Variants in TET3 observed in about 807,000 individuals in gnomAD.
The protein encoded by TET3 is methylcytosine dioxygenase TET3.
In TET3, 19 loss-of-function variants were observed where a neutral mutation model predicts 141.4. The observed-to-expected ratio is 0.13, with a 90% CI of 0.09 to 0.20. The LOEUF (loss-of-function observed/expected upper bound fraction) is 0.20. Among genes scored for constraint, TET3 ranks in the 10% least tolerant of loss-of-function variants. The pLI is 1.00. For synonymous variants in TET3, 1,043 were observed against 980.9 expected (o/e 1.06, Z -1.18); for missense variants, 1,874 against 2,356.9 (o/e 0.80, Z 4.24).
chr2:74,053,138 TATG>T lies in TET3; in HGVS notation c.2494+4731_2494+4733del, dbSNP rs1688037338. ...GGAAATGCCATTCTCTAAAAGATAATATGATGTTTGCAGCTTTGAGAATATTTA... is the reference window on the plus strand; with the variant it reads ...GGAAATGCCATTCTCTAAAAGATAATATGTTTGCAGCTTTGAGAATATTTA... On this transcript the variant is annotated intron_variant, in intron 4 of 11. Coordinates refer to ENST00000409262, the MANE Select transcript of TET3 (RefSeq NM_001287491.2). Among the ~76,000 whole-genome samples, 4 of 152,312 alleles carry T rather than the reference TATG, an allele frequency of 2.6e-5. No homozygotes were observed. The South Asian group carries it at 6.2e-4, about 24-fold the overall frequency.
chr2:74,000,938 T>C (rs1433607066), intron 2 of TET3, among the ~76,000 whole-genome samples: 2 of 152,040 alleles, frequency 1.3e-5, no homozygotes, highest in African/African-American at 4.8e-5. Flanking sequence ...TTTCCAAGCA[T>C]TGTTTGTCTC....
At chr2:74,080,619 C>T (rs762791934) in intron 6 of TET3, 28 bp downstream of exon 6, 1 of 1,594,168 alleles carries the variant, frequency 6.3e-7, no homozygotes. Context: ...TCAAGAGCCA[C>T]AGCTGTGCCT....
At chr2:73,997,938 A>G (rs772906550) in intron 2 of TET3, among the ~76,000 whole-genome samples, 1 of 152,168 alleles carries the variant, frequency 6.6e-6, no homozygotes, top group Admixed American at 6.5e-5. Context: ...GGGCCCATAG[A>G]GGCCAGCCAG....
intron 3 of TET3, among the ~76,000 whole-genome samples, chr2:74,014,916 C>G (rs1474456546): frequency 6.6e-6 from 1 of 152,188 alleles, no homozygotes; most frequent in African/African-American, 2.4e-5. Context: ...TGGTGGACAT[C>G]TCTTAGACAC....
chr2:74,089,807 G>A, intron 7 of TET3, 90 bp from the exon 8 acceptor site: 1 of 1,525,582 alleles, frequency 6.6e-7, no homozygotes, highest in Non-Finnish European at 8.9e-7. Context: ...GGGTGCCAGG[G>A]CTCAGCAGGG....
At chr2:74,032,530 TG>T (rs1253259697) in intron 3 of TET3, among the ~76,000 whole-genome samples, 2 of 102,262 alleles carry the variant, frequency 2.0e-5, no homozygotes, top group African/African-American at 5.5e-5. Context: ...AGGCCCTTGC[TG>T]GGTCTGGCTG....
chr2:73,992,300 C>CTTTTCTTTTTTTTTTCTTTT (rs1318285693), intron 2 of TET3, among the ~76,000 whole-genome samples: 3 of 99,166 alleles, frequency 3.0e-5, no homozygotes, highest in African/African-American at 2.1e-4. Flanking sequence ...ATCTTTTTTT[C>CTTTTCTTTTTTTTTTCTTTT]TTTTCTTTTT....
intron 3 of TET3, among the ~76,000 whole-genome samples, chr2:74,045,016 T>C (rs546111784): frequency 6.6e-6 from 1 of 152,344 alleles, no homozygotes; most frequent in East Asian, 1.9e-4. Context: ...GATTGTTCTC[T>C]TCAAAAAATT....
At position 74,103,612 on chromosome 2, in the gene TET3, C is replaced by A. The variant is rs1006948696; in HGVS notation, c.*1436C>A. 1 of 152,208 alleles carries A rather than the reference C, an allele frequency of 6.6e-6. No individual in the cohort carries two copies. The highest frequency in any genetic ancestry group is 2.4e-5 in the African/African-American group (1 of 41,488). The allele number at this position is 152,208 out of a possible 1,614,324, so 9.4% of individuals were successfully genotyped here. A position where few individuals can be genotyped will look rare whatever the true frequency, so the allele number is the denominator to read the frequency against. ...ACTTTAATATAGCTGTTCTGAAATT[C>A]TGGTGCATTCATTCGGTTCTTTGAA... On this transcript the variant is annotated 3_prime_UTR_variant, in exon 12 of 12. Coordinates refer to ENST00000409262, the MANE Select transcript of TET3 (RefSeq NM_001287491.2).
rs1691556336 is a variant in TET3 at position 74,107,366 on chromosome 2, C to T, written c.*5190C>T. The T allele has an allele frequency of 6.6e-6, 1 of 152,234 alleles. No homozygotes were observed. The highest frequency in any genetic ancestry group is 2.4e-5 in the African/African-American group (1 of 41,462). 9.4% of individuals were successfully genotyped at this position (152,234 alleles called of 1,614,324 possible). The stretch of plus-strand genomic sequence containing the variant: ...GCCTACTTCCTCATTGGCTTCTATT[C>T]TGATATCAGGGATGCTTTTTGTAGT... On this transcript the variant is annotated 3_prime_UTR_variant, in exon 12 of 12. Coordinates refer to ENST00000409262, the MANE Select transcript of TET3 (RefSeq NM_001287491.2).
At chr2:74,028,376 A>AGAT (rs1491444362) in intron 3 of TET3, among the ~76,000 whole-genome samples, 1 of 151,892 alleles carries the variant, frequency 6.6e-6, no homozygotes, top group Non-Finnish European at 1.5e-5. Context: ...TTTTGGTCTC[A>AGAT]TATCTGAGAA....
chr2:74,030,067 G>C (rs961867734), intron 3 of TET3, among the ~76,000 whole-genome samples: 1 of 152,110 alleles, frequency 6.6e-6, no homozygotes, highest in African/African-American at 2.4e-5. Flanking sequence ...CCAAGAGAAA[G>C]GACTCTGTTT....
intron 3 of TET3, among the ~76,000 whole-genome samples, chr2:74,036,939 T>C (rs1687094802): frequency 6.6e-6 from 1 of 152,054 alleles, no homozygotes. Context: ...CATTTTGTAG[T>C]AGGAAAAAAA....
intron 3 of TET3, among the ~76,000 whole-genome samples, chr2:74,040,700 T>C (rs1277481364): frequency 6.6e-6 from 1 of 152,142 alleles, no homozygotes; most frequent in Non-Finnish European, 1.5e-5. Flanking sequence ...TTGCTTGAGC[T>C]CAGTGGTTTG....
intron 3 of TET3, among the ~76,000 whole-genome samples, chr2:74,021,937 T>C (rs1347368374): frequency 1.3e-5 from 2 of 152,180 alleles, no homozygotes; most frequent in African/African-American, 4.8e-5. Context: ...CTCTAGGAAA[T>C]AGTTAAAACT....
At chr2:74,043,128 G>A (rs1221285272) in intron 3 of TET3, among the ~76,000 whole-genome samples, 1 of 152,082 alleles carries the variant, frequency 6.6e-6, no homozygotes, top group Admixed American at 6.6e-5. Flanking sequence ...GCTACTCTCG[G>A]GTGTTTCTTC....
At chr2:74,118,651 C>G in the TET3 span, among the ~76,000 whole-genome samples, 3 of 152,018 alleles carry the variant, frequency 2.0e-5, no homozygotes, top group African/African-American at 7.2e-5. Flanking sequence ...GTTCAAAAGT[C>G]ACATTGTATT....
chr2:74,038,799 A>G (rs1687196853), intron 3 of TET3, among the ~76,000 whole-genome samples: 1 of 152,002 alleles, frequency 6.6e-6, no homozygotes, highest in African/African-American at 2.4e-5. Flanking sequence ...TTGACCATAC[A>G]CTCTTACGAA....
intron 4 of TET3, among the ~76,000 whole-genome samples, chr2:74,061,589 G>A (rs888750900): frequency 5.4e-5 from 8 of 149,518 alleles, no homozygotes; most frequent in Non-Finnish European, 7.5e-5. Context: ...CTGGCCGGGC[G>A]GGGGGCTGAC....
Sources: allele counts gnomAD v4.1 joint callset (sites outside exome capture counted in the v4.1 genomes callset), GRCh38; gene constraint gnomAD v4.1.1; transcripts MANE v1.5; gene names NCBI Gene and HGNC (gene_info 2026-07-23, HGNC 2026-07-21).